Variants in UGT1A10 observed in about 807,000 individuals in gnomAD.
UGT1A10 encodes UDP-glucuronosyltransferase 1A10.
Under a neutral mutation model 45.8 loss-of-function variants are expected in UGT1A10, and 49 were observed. The ratio of observed to expected loss-of-function variants is 1.07; its 90% CI spans 0.85 to 1.36. The LOEUF is 1.36. Among genes scored for constraint, UGT1A10 ranks in the 40% most tolerant of loss-of-function variants. The probability of loss-of-function intolerance (pLI) is 0.00; values close to 1 mark genes in which losing one functional copy is unlikely to be tolerated. For synonymous variants in UGT1A10, 284 were observed against 249.7 expected, an observed-to-expected ratio of 1.14 and a Z score of -1.29; for missense variants, 745 against 668.6, an observed-to-expected ratio of 1.11 and a Z score of -1.26.
Position 233,693,150 on chromosome 2 carries a change from T to G in UGT1A10, c.855+55773T>G, listed in dbSNP as rs768130153. ...AGTATGAAGGATATAGTTGAGGTTC[T>G]CAGTGACCGGGGTCATGAGATTGTA... On this transcript the variant is annotated intron_variant, in intron 1 of 4. Coordinates refer to ENST00000344644, the MANE Select transcript of UGT1A10 (RefSeq NM_019075.4). 12 of 1,614,140 alleles carry G rather than the reference T, an allele frequency of 7.4e-6. No individual in the cohort carries two copies. The Admixed American group carries it at 2.0e-4, about 27-fold the overall frequency.
intron 1 of UGT1A10, chr2:233,747,179 G>A: frequency 3.7e-6 from 6 of 1,601,464 alleles, no homozygotes; most frequent in Non-Finnish European, 3.4e-6. Context: ...GCACAGCGTG[G>A]GGTGGACAGT....
intron 1 of UGT1A10, among the ~76,000 whole-genome samples, chr2:233,705,428 A>C (rs2075847484): frequency 6.6e-6 from 1 of 152,220 alleles, no homozygotes; most frequent in Non-Finnish European, 1.5e-5. Flanking sequence ...GTGGCTCATA[A>C]CTTATCCTTC....
chr2:233,675,639 A>G (rs969271849), intron 1 of UGT1A10, among the ~76,000 whole-genome samples: 10 of 152,196 alleles, frequency 6.6e-5, no homozygotes, highest in Non-Finnish European at 1.3e-4. Flanking sequence ...TTTTATTTTC[A>G]AAGTTTTCAA....
chr2:233,693,767 TTAAGA>T (rs774933475), intron 1 of UGT1A10: 32 of 1,614,128 alleles, frequency 2.0e-5, no homozygotes, highest in Non-Finnish European at 2.6e-5. Flanking sequence ...TGTTTGGCTG[TTAAGA>T]TATGACTTTG....
chr2:233,763,240 C>T (rs1698267751), intron 1 of UGT1A10, among the ~76,000 whole-genome samples: 1 of 152,140 alleles, frequency 6.6e-6, no homozygotes, highest in African/African-American at 2.4e-5. Flanking sequence ...TAAATTGTAC[C>T]TTTTAGTAAC....
At chr2:233,670,827 C>A (rs560879388) in intron 1 of UGT1A10, among the ~76,000 whole-genome samples, 1 of 152,094 alleles carries the variant, frequency 6.6e-6, no homozygotes, top group Admixed American at 6.6e-5. Context: ...TTTGAAAGAC[C>A]GTCTCTTACT....
intron 1 of UGT1A10, among the ~76,000 whole-genome samples, chr2:233,685,913 T>C (rs1035052021): frequency 6.6e-6 from 1 of 152,240 alleles, no homozygotes; most frequent in Non-Finnish European, 1.5e-5. Context: ...CAATCCATCA[T>C]TAAATTTATC....
chr2:233,665,253 A>G (rs546074121), intron 1 of UGT1A10, among the ~76,000 whole-genome samples: 4 of 152,360 alleles, frequency 2.6e-5, no homozygotes, highest in African/African-American at 9.6e-5. Flanking sequence ...GATTTAATGT[A>G]GTTTTTTCAA....
chr2:233,680,086 T>TGG (rs1014894946), intron 1 of UGT1A10, among the ~76,000 whole-genome samples: 4 of 152,164 alleles, frequency 2.6e-5, no homozygotes, highest in African/African-American at 9.7e-5. Flanking sequence ...GATTTTGAAA[T>TGG]GGCAGGCAAT....
chr2:233,693,102 C>T, intron 1 of UGT1A10: 1 of 1,614,144 alleles, frequency 6.2e-7, no homozygotes, highest in Non-Finnish European at 8.5e-7. Flanking sequence ...CTGGTGGTCC[C>T]TCAGGACGGA....
chr2:233,760,317 A>T, intron 1 of UGT1A10: 5 of 1,614,016 alleles, frequency 3.1e-6, no homozygotes, highest in Non-Finnish European at 4.2e-6. Context: ...GCGGACGCCC[A>T]CTTGTCCTGG....
At chr2:233,720,833 G>A in intron 1 of UGT1A10, among the ~76,000 whole-genome samples, 1 of 150,462 alleles carries the variant, frequency 6.6e-6, no homozygotes, top group East Asian at 2.0e-4. Context: ...AGTCTCCTGA[G>A]TAACTGGGAC....
intron 1 of UGT1A10, chr2:233,690,573 T>C (rs1453972906): frequency 7.8e-6 from 10 of 1,288,356 alleles, no homozygotes; most frequent in South Asian, 1.2e-5. Flanking sequence ...TCATTCAGCC[T>C]GCAGCAATCC....
At chr2:233,704,742 G>A (rs1423221721) in intron 1 of UGT1A10, among the ~76,000 whole-genome samples, 1 of 151,988 alleles carries the variant, frequency 6.6e-6, no homozygotes, top group East Asian at 1.9e-4. Flanking sequence ...CCTCCCTTGT[G>A]CTATTATTGT....
intron 1 of UGT1A10, among the ~76,000 whole-genome samples, chr2:233,665,096 C>T (rs2074045407): frequency 6.6e-6 from 1 of 152,210 alleles, no homozygotes; most frequent in Non-Finnish European, 1.5e-5. Flanking sequence ...ATTCTCACAC[C>T]TATTTTGTTA....
chr2:233,761,029 T>C (rs769198771), intron 1 of UGT1A10: 2 of 1,614,178 alleles, frequency 1.2e-6, no homozygotes, highest in East Asian at 2.2e-5. Context: ...CCAGGACCTA[T>C]TGAGCTCTGC....
chr2:233,677,349 G>A (rs1383112732), intron 1 of UGT1A10, among the ~76,000 whole-genome samples: 1 of 152,106 alleles, frequency 6.6e-6, no homozygotes, highest in Non-Finnish European at 1.5e-5. Flanking sequence ...CCTGAACAAT[G>A]TGGGAATGAA....
intron 1 of UGT1A10, among the ~76,000 whole-genome samples, chr2:233,642,221 C>A (rs565533183): frequency 2.8e-4 from 43 of 152,262 alleles, no homozygotes; most frequent in Non-Finnish European, 4.4e-4. Context: ...TTTGTCTCCT[C>A]TGACCATGTA....
chr2:233,713,057 C>T (rs145133773), intron 1 of UGT1A10: 14 of 1,613,998 alleles, frequency 8.7e-6, no homozygotes, highest in Non-Finnish European at 1.2e-5. Flanking sequence ...TCCTCAGTGT[C>T]CAGCCCTGGG....
Sources: allele counts gnomAD v4.1 joint callset (sites outside exome capture counted in the v4.1 genomes callset), GRCh38; gene constraint gnomAD v4.1.1; transcripts MANE v1.5; gene names NCBI Gene and HGNC (gene_info 2026-07-23, HGNC 2026-07-21).